Variants in PCDHGB2 observed in about 807,000 individuals in gnomAD.
The protein encoded by PCDHGB2 is protocadherin gamma-B2.
In PCDHGB2, 55 loss-of-function variants were observed where a neutral mutation model predicts 59.3. The observed-to-expected ratio is 0.93, with a 90% CI of 0.75 to 1.16. The LOEUF (loss-of-function observed/expected upper bound fraction) is 1.16, where lower values mean the gene tolerates loss of function less well. PCDHGB2 is among the 50% of genes most tolerant of loss of function. The pLI is 0.00. For missense variants in PCDHGB2, 1,228 were observed against 1,198.5 expected (o/e 1.02, Z -0.36); for synonymous variants, 516 against 512.0 (o/e 1.01, Z -0.11).
rs1286991812 is a variant in PCDHGB2 at position 141,432,170 on chromosome 5, C to T, written c.2422-62637C>T. The T allele has an allele frequency of 1.2e-6, 2 of 1,614,072 alleles. No homozygotes were observed. The highest frequency in any genetic ancestry group is 1.7e-6 in the Non-Finnish European group (2 of 1,180,036). ...AGAGAACAATCCCAGAGGAGTTTCC[C>T]TCGTCTCTGTGACCGCCCACGACCC... On this transcript the variant is annotated intron_variant, in intron 1 of 3. Coordinates refer to ENST00000522605, the MANE Select transcript of PCDHGB2 (RefSeq NM_018923.3). This position sits in a 1 kb window ranked among gnomAD's most constrained non-coding sequence, Gnocchi z 6.0.
At chr5:141,383,879 G>A (rs1196711965) in intron 1 of PCDHGB2, 2 of 1,613,862 alleles carry the variant, frequency 1.2e-6, no homozygotes, top group Non-Finnish European at 1.7e-6. Flanking sequence ...GGTCCTGGTA[G>A]TCTGACAAAG....
intron 1 of PCDHGB2, chr5:141,399,601 C>T: frequency 6.2e-7 from 1 of 1,613,986 alleles, no homozygotes; most frequent in South Asian, 1.1e-5. Context: ...GGCCAGCGAC[C>T]TAGAGCCTCT....
chr5:141,376,127 G>A (rs1331529697), intron 1 of PCDHGB2: 4 of 1,613,828 alleles, frequency 2.5e-6, no homozygotes, highest in East Asian at 2.2e-5. Flanking sequence ...CGAGCCCTCC[G>A]CCAAACCCAA....
intron 1 of PCDHGB2, chr5:141,426,760 C>T (rs935248232): frequency 4.4e-6 from 2 of 456,284 alleles, no homozygotes; most frequent in African/African-American, 4.0e-5. Context: ...GCTATAGATG[C>T]AGATGTAGGG....
intron 1 of PCDHGB2, among the ~76,000 whole-genome samples, chr5:141,464,019 C>A (rs1285414825): frequency 2.0e-5 from 3 of 151,984 alleles, no homozygotes; most frequent in African/African-American, 4.8e-5. Context: ...TAATCCCACA[C>A]TTTGGGAGGC....
At chr5:141,384,000 T>C (rs1160567279) in intron 1 of PCDHGB2, 2 of 1,613,774 alleles carry the variant, frequency 1.2e-6, no homozygotes, top group African/African-American at 1.3e-5. Flanking sequence ...CAGTCATTGC[T>C]CTTTTCTACC....
chr5:141,364,428 A>G (rs1358594302), intron 1 of PCDHGB2: 1 of 1,613,750 alleles, frequency 6.2e-7, no homozygotes, highest in South Asian at 1.1e-5. Flanking sequence ...CAGATCCGCT[A>G]CTCGATGCCG....
rs752341952 is a variant in PCDHGB2 at position 141,431,380 on chromosome 5, T to C, written c.2422-63427T>C. 10 of 1,613,902 alleles carry C rather than the reference T, an allele frequency of 6.2e-6. No homozygotes were observed. The highest frequency in any genetic ancestry group is 8.5e-6 in the Non-Finnish European group (10 of 1,180,024). ...CCCTGGACCGCGAAGAAAAGGCTGCTCACCACCTGGTCCTTACGGCCTCCG... is the reference window on the plus strand; with the variant it reads ...CCCTGGACCGCGAAGAAAAGGCTGCCCACCACCTGGTCCTTACGGCCTCCG... On this transcript the variant is annotated intron_variant, in intron 1 of 3. Transcript: ENST00000522605. The surrounding 1 kb of genome is among the most constrained non-coding windows in gnomAD (Gnocchi z 4.8).
chr5:141,489,864 T>G lies in PCDHGB2; in HGVS notation c.2422-4943T>G, dbSNP rs1274301673. ...TGGATCGTGAAGCCCAGGCAAGACA[T>G]CAGCTGGTGCTTACTGCTGTGGATG... On this transcript the variant is annotated intron_variant, in intron 1 of 3. Coordinates refer to ENST00000522605, the MANE Select transcript of PCDHGB2 (RefSeq NM_018923.3). This position sits in a 1 kb window ranked among gnomAD's most constrained non-coding sequence, Gnocchi z 4.5. 5 of 1,614,064 alleles carry G rather than the reference T, an allele frequency of 3.1e-6. No individual in the cohort carries two copies. The highest frequency in any genetic ancestry group is 3.4e-6 in the Non-Finnish European group (4 of 1,180,022).
chr5:141,375,245 A>G (rs768962763), intron 1 of PCDHGB2: 6 of 1,613,950 alleles, frequency 3.7e-6, no homozygotes, highest in Non-Finnish European at 8.5e-7. Flanking sequence ...TTCCATCCCG[A>G]GAAGTCTCCC....
chr5:141,481,622 G>A (rs957374253), intron 1 of PCDHGB2, among the ~76,000 whole-genome samples: 6 of 151,854 alleles, frequency 4.0e-5, no homozygotes, highest in African/African-American at 1.2e-4. Flanking sequence ...GTTCAAGACC[G>A]GCCTGGCCAA....
intron 1 of PCDHGB2, among the ~76,000 whole-genome samples, chr5:141,472,071 A>G (rs1243864250): frequency 6.6e-6 from 1 of 152,200 alleles, no homozygotes. Context: ...GTCTGTGGTT[A>G]TATCAATGAG....
Position 141,502,395 on chromosome 5 carries a change from G to A in PCDHGB2, c.2481-2998G>A, listed in dbSNP as rs115188718. The stretch of plus-strand genomic sequence containing the variant: ...GTCCAGGCCAGTTGTACTTTAAAAT[G>A]TCCCCGAACCTGGATTTGCTGGCTA... On this transcript the variant is annotated intron_variant, in intron 2 of 3. Transcript: ENST00000522605. Among the ~76,000 whole-genome samples, 610 of 151,894 alleles carry A rather than the reference G, an allele frequency of 4.0e-3. 3 individuals carry two copies. Among genetic ancestry groups the A allele is most frequent in the African/African-American group, 0.013 (553 of 41,410 alleles).
chr5:141,426,805 A>G (rs1222690899), intron 1 of PCDHGB2: 2 of 456,720 alleles, frequency 4.4e-6, no homozygotes, highest in African/African-American at 2.0e-5. Flanking sequence ...CTCAGTTCTA[A>G]TGAACATTTC....
At chr5:141,403,901 A>G in intron 1 of PCDHGB2, 3 of 1,613,926 alleles carry the variant, frequency 1.9e-6, no homozygotes, top group Non-Finnish European at 2.5e-6. Context: ...ATTTTATGAA[A>G]TGGAAATACA....
Position 141,476,752 on chromosome 5 carries a change from A to T in PCDHGB2, c.2422-18055A>T, listed in dbSNP as rs771355583. On this transcript the variant is annotated intron_variant, in intron 1 of 3. Coordinates refer to ENST00000522605, the MANE Select transcript of PCDHGB2 (RefSeq NM_018923.3). This position sits in a 1 kb window ranked among gnomAD's most constrained non-coding sequence, Gnocchi z 7.6. ...GAGAACGGGAGCCTAGTCTCCAGTTAGTGCTGACGGCGTTGGACGGAGGGA... is the reference window on the plus strand; with the variant it reads ...GAGAACGGGAGCCTAGTCTCCAGTTTGTGCTGACGGCGTTGGACGGAGGGA... 1.2e-6 allele frequency: 2 copies of T among 1,613,926 alleles called. No individual in the cohort carries two copies. Among genetic ancestry groups the T allele is most frequent in the South Asian group, 2.2e-5 (2 of 91,080 alleles).
chr5:141,433,228 C>G (rs2097577964), intron 1 of PCDHGB2: 7 of 1,522,184 alleles, frequency 4.6e-6, no homozygotes, highest in Non-Finnish European at 5.4e-6. Flanking sequence ...TTTAATTGCT[C>G]TGTCTCCCAA....
chr5:141,499,268 G>C (rs564234341), intron 2 of PCDHGB2, among the ~76,000 whole-genome samples: 1 of 152,224 alleles, frequency 6.6e-6, no homozygotes, highest in South Asian at 2.1e-4. Flanking sequence ...TTGGTCCCTA[G>C]ACTGTTCTCT....
intron 1 of PCDHGB2, chr5:141,418,093 C>T: frequency 6.2e-7 from 1 of 1,614,032 alleles, no homozygotes; most frequent in East Asian, 2.2e-5. Flanking sequence ...TCAGCGTAGA[C>T]GCGCAGAGCG....
Sources: allele counts gnomAD v4.1 joint callset (sites outside exome capture counted in the v4.1 genomes callset), GRCh38; gene constraint gnomAD v4.1.1; non-coding constraint Gnocchi (gnomAD v3.1); transcripts MANE v1.5; gene names NCBI Gene and HGNC (gene_info 2026-07-23, HGNC 2026-07-21).